The following ARID1A variants were observed in gnomAD, a reference collection of about 807,000 sequenced individuals.
ARID1A encodes the protein AT-rich interactive domain-containing protein 1A.
In ARID1A, 20 loss-of-function variants were observed where a neutral mutation model predicts 212.6. The ratio of observed to expected loss-of-function variants is 0.09; its 90% CI spans 0.07 to 0.14. The LOEUF is 0.14. Among genes scored for constraint, ARID1A ranks in the 10% least tolerant of loss-of-function variants. The pLI is 1.00. For missense variants in ARID1A, 2,587 were observed against 3,059.0 expected, an observed-to-expected ratio of 0.85 and a Z score of 3.64; for synonymous variants, 1,376 against 1,222.1, an observed-to-expected ratio of 1.13 and a Z score of -2.63.
rs2081081526 is a variant in ARID1A, at chr1:26,771,382, C to G, written c.3406+56C>G. 6.5e-7 allele frequency: 1 copy of G among 1,544,744 alleles called. No individual in the cohort carries two copies. The highest frequency in any genetic ancestry group is 1.7e-5 in the Admixed American group (1 of 58,634). On this transcript the variant is annotated intron_variant, in intron 12 of 19. Transcript: ENST00000324856. This position sits in a 1 kb window ranked among gnomAD's most constrained non-coding sequence, Gnocchi z 5.4. ...CTGAGAGGGCCTGTTGCCCTGGCCT[C>G]TTATTCAGGATATGAATAAGAGGCT...
intron 4 of ARID1A, among the ~76,000 whole-genome samples, chr1:26,743,614 C>G (rs767123623): frequency 6.6e-6 from 1 of 151,554 alleles, no homozygotes; most frequent in Non-Finnish European, 1.5e-5. Context: ...GGCGGGTCAT[C>G]ATGAGGTCAA....
intron 1 of ARID1A, among the ~76,000 whole-genome samples, chr1:26,710,923 A>G (rs551272764): frequency 3.3e-5 from 5 of 152,306 alleles, no homozygotes; most frequent in East Asian, 3.9e-4. Flanking sequence ...ACAAAATACC[A>G]TAGACGAGGT....
chr1:26,766,588 C>G (rs2124082478), intron 10 of ARID1A, 22 bp downstream of exon 10: 1 of 1,581,380 alleles, frequency 6.3e-7, no homozygotes, highest in Admixed American at 1.8e-5. Flanking sequence ...TGTCTTGACT[C>G]CTTTCAACTT....
intron 1 of ARID1A, among the ~76,000 whole-genome samples, chr1:26,714,402 G>T (rs1475532409): frequency 6.8e-6 from 1 of 146,424 alleles, no homozygotes; most frequent in African/African-American, 2.7e-5. Context: ...AATCTTTTTT[G>T]TTTGTTTGTT....
intron 14 of ARID1A, 94 bp from the exon 15 acceptor site, chr1:26,773,251 TC>T (rs2124109375): frequency 6.8e-7 from 1 of 1,470,386 alleles, no homozygotes; most frequent in East Asian, 2.3e-5. Flanking sequence ...AACAATGAGA[TC>T]AAACCTGAAC....
intron 8 of ARID1A, chr1:26,765,406 T>G (rs1364404143): frequency 2.0e-5 from 3 of 151,724 alleles, no homozygotes; most frequent in Non-Finnish European, 2.9e-5. Context: ...GAGAATGGCG[T>G]GAACCCGGGA....
At position 26,731,158 on chromosome 1, in the gene ARID1A, C is replaced by T. The variant is rs2080672403; in HGVS notation, c.1357C>T (p.Pro453Ser). The T allele has an allele frequency of 8.7e-6, 14 of 1,613,698 alleles. No individual in the cohort carries two copies. The highest frequency in any genetic ancestry group is 1.2e-5 in the Non-Finnish European group (14 of 1,179,754). Residue 453 changes from proline (P) to serine (S), a missense_variant, in exon 3 of 20, where the codon CCT (proline) becomes TCT (serine). Coordinates refer to ENST00000324856, the MANE Select transcript of ARID1A (RefSeq NM_006015.6). ...ATATTTTCCTTTCCTACAGATTCCT[C>T]CTTATGGACAACAAGGCCCCAGCGG... Reference protein sequence around the residue: ...GGLSYTQQIPPYGQQGPSGYG... With the variant: ...GGLSYTQQIPSYGQQGPSGYG...
At chr1:26,744,556 G>A (rs1006626346) in intron 4 of ARID1A, among the ~76,000 whole-genome samples, 1 of 152,176 alleles carries the variant, frequency 6.6e-6, no homozygotes, top group African/African-American at 2.4e-5. Flanking sequence ...AAGTTAAGTT[G>A]GGCCAAACTT....
At chr1:26,753,300 C>A (rs1461619420) in intron 4 of ARID1A, 1 of 152,278 alleles carries the variant, frequency 6.6e-6, no homozygotes, top group Admixed American at 6.5e-5. Flanking sequence ...AGGTGTTTAG[C>A]TGCTGAGTTC....
At chr1:26,717,590 C>G (rs757270212) in intron 1 of ARID1A, among the ~76,000 whole-genome samples, 7 of 152,214 alleles carry the variant, frequency 4.6e-5, no homozygotes, top group Admixed American at 2.0e-4. Context: ...CCAAGCTCTA[C>G]TGCCAGAAAC....
In ARID1A at chr1:26,774,379, C is replaced by T. The variant is rs149908828; in HGVS notation, c.4152C>T (p.His1384=). The T allele has an allele frequency of 1.9e-4, 304 of 1,571,874 alleles. No homozygotes were observed. In the African/African-American group the frequency reaches 3.0e-3, roughly 15 times the overall value. ...CATATGGCCCTCCTGCCAAGCGGCA[C>T]GAAGGGGAGATGTACAGCGTGCCAT... ...DGTYGPPAKR[H]EGEMYSVPYS... is the part of the protein sequence containing the mutation. The change falls in exon 18 of 20, where the codon CAC becomes CAT. Residue 1384 remains histidine (H), a synonymous_variant. Transcript: ENST00000324856. This position sits in a 1 kb window ranked among gnomAD's most constrained non-coding sequence, Gnocchi z 5.6.
At chr1:26,764,470 A>G (rs2081021027) in intron 8 of ARID1A, 1 of 152,062 alleles carries the variant, frequency 6.6e-6, no homozygotes, top group South Asian at 2.1e-4. Flanking sequence ...GTGGTTTGCC[A>G]TTTCTCCTAC....
chr1:26,696,365 A>G lies in ARID1A; in HGVS notation c.-39A>G, dbSNP rs768782762. The G allele has an allele frequency of 1.9e-4, 235 of 1,220,824 alleles. No homozygotes were observed. The highest frequency in any genetic ancestry group is 6.5e-4 in the Middle Eastern group (2 of 3,080). 75.6% of individuals were successfully genotyped at this position (1,220,824 alleles called of 1,614,324 possible). A position where few individuals can be genotyped will look rare whatever the true frequency, so the allele number is the denominator to read the frequency against. On this transcript the variant is annotated 5_prime_UTR_variant, in exon 1 of 20. Transcript: ENST00000324856. ...GGTGGGAGGGGGGGAGAAGACGAAG[A>G]CAGGGCCGGGTCTCTCCGCGGACGA...
intron 4 of ARID1A, among the ~76,000 whole-genome samples, chr1:26,748,269 A>G (rs1004296035): frequency 2.0e-5 from 3 of 152,194 alleles, no homozygotes; most frequent in Middle Eastern, 3.2e-3. Flanking sequence ...GAGGAGAGCC[A>G]GATGATGTGG....
chr1:26,711,413 GC>G (rs1273096274), intron 1 of ARID1A, among the ~76,000 whole-genome samples: 2 of 151,908 alleles, frequency 1.3e-5, no homozygotes, highest in Non-Finnish European at 2.9e-5. Context: ...GTGAGCCAGC[GC>G]CCCCGGCTCT....
chr1:26,761,365 T>C lies in ARID1A; in HGVS notation c.2162-19T>C, dbSNP rs201805536. 43 of 1,613,716 alleles carry C rather than the reference T, an allele frequency of 2.7e-5. No individual in the cohort carries two copies. In the African/African-American group the frequency reaches 5.3e-4, roughly 20 times the overall value. On this transcript the variant is annotated intron_variant, in intron 5 of 19. Transcript: ENST00000324856. ...AGGCTTAGCCATGATATGCTTATGT[T>C]GTTCTTTGTCTGGAGCAGGCAACCA... is the stretch of plus-strand genomic sequence containing the variant.
At chr1:26,705,055 T>C (rs2080375432) in intron 1 of ARID1A, among the ~76,000 whole-genome samples, 1 of 152,004 alleles carries the variant, frequency 6.6e-6, no homozygotes, top group Non-Finnish European at 1.5e-5. Flanking sequence ...CAGCTGAAGA[T>C]GCATGGCATG....
At chr1:26,746,256 CA>C (rs1291257171) in intron 4 of ARID1A, among the ~76,000 whole-genome samples, 3 of 152,178 alleles carry the variant, frequency 2.0e-5, no homozygotes, top group Non-Finnish European at 2.9e-5. Flanking sequence ...GAAGAATTCT[CA>C]AAAACTAGAA....
chr1:26,714,380 G>T (rs1303430556), intron 1 of ARID1A, among the ~76,000 whole-genome samples: 1 of 152,010 alleles, frequency 6.6e-6, no homozygotes, highest in Admixed American at 6.6e-5. Flanking sequence ...CTGAGGATTT[G>T]GATGCATCTA....
Sources: gnomAD v4.1 joint callset for allele counts (sites outside exome capture counted in the v4.1 genomes callset) on GRCh38, gnomAD v4.1.1 for gene constraint, Gnocchi (gnomAD v3.1) non-coding constraint, MANE v1.5 for transcripts, NCBI Gene and HGNC (gene_info 2026-07-23, HGNC 2026-07-21) for gene names.